COA1: variants seen among roughly 807,000 people sequenced by gnomAD.
COA1 encodes the protein cytochrome c oxidase assembly factor 1 homolog.
Under a neutral mutation model 16.0 loss-of-function variants are expected in COA1, and 13 were observed. The ratio of observed to expected loss-of-function variants is 0.81; its 90% CI spans 0.53 to 1.29. COA1 has a LOEUF of 1.29. Among genes scored for constraint, COA1 ranks in the 50% most tolerant of loss-of-function variants. The pLI, the probability that COA1 is intolerant of heterozygous loss-of-function variation, is 0.00. For missense variants in COA1, 179 were observed against 177.0 expected, an observed-to-expected ratio of 1.01 and a Z score of -0.06; for synonymous variants, 65 against 65.7, an observed-to-expected ratio of 0.99 and a Z score of 0.05.
intron 4 of COA1, among the ~76,000 whole-genome samples, 197 bp downstream of exon 4, chr7:43,645,054 A>AT (rs2088845063): frequency 6.6e-6 from 1 of 152,100 alleles, no homozygotes; most frequent in African/African-American, 2.4e-5. Context: ...GTATACAGAA[A>AT]TATCTATAAT....
chr7:43,616,052 C>T (rs2152994765), intron 6 of COA1, among the ~76,000 whole-genome samples: 1 of 152,288 alleles, frequency 6.6e-6, no homozygotes, highest in East Asian at 1.9e-4. Flanking sequence ...AAAGAGAGGA[C>T]TGGTGTCTTG....
At chr7:43,726,765 T>A (rs910513021) in intron 1 of COA1, among the ~76,000 whole-genome samples, 1 of 151,936 alleles carries the variant, frequency 6.6e-6, no homozygotes, top group South Asian at 2.1e-4. Flanking sequence ...AACGGTAGCA[T>A]AATCTAAAAG....
chr7:43,727,977 CTT>C (rs201576823), intron 1 of COA1, among the ~76,000 whole-genome samples: 31 of 139,936 alleles, frequency 2.2e-4, no homozygotes, highest in Non-Finnish European at 2.8e-4. Context: ...GGTTTTCTTT[CTT>C]TTTTTTTTTT....
In COA1 at chr7:43,721,558, G is replaced by T. The variant is rs896603958; in HGVS notation, c.-39+7871C>A. 2.6e-5 allele frequency among the ~76,000 whole-genome samples: 4 copies of T among 152,220 alleles called. 1 individual carries two copies. The South Asian group carries it at 8.3e-4, about 32-fold the overall frequency. On this transcript the variant is annotated intron_variant, in intron 1 of 5. Coordinates refer to ENST00000223336, the MANE Select transcript of COA1 (RefSeq NM_018224.4). The stretch of plus-strand genomic sequence containing the variant: ...ATTAAATCCCTAATAAAGAGGAAAA[G>T]CAAGGATGTAATGTAACTGCTTCCC...
At chr7:43,644,791 C>CAGACAGACAGACAGAGAGAGAG (rs1563229816) in intron 4 of COA1, among the ~76,000 whole-genome samples, 2 of 23,700 alleles carry the variant, frequency 8.4e-5, no homozygotes, top group Admixed American at 4.8e-4. Flanking sequence ...GGCAGGCAGG[C>CAGACAGACAGACAGAGAGAGAG]AGAGAGACAG....
At chr7:43,683,442 C>T (rs918270652) in intron 1 of COA1, among the ~76,000 whole-genome samples, 2 of 151,970 alleles carry the variant, frequency 1.3e-5, no homozygotes, top group African/African-American at 4.8e-5. Flanking sequence ...ACCATCCTGG[C>T]TAACACGGTG....
intron 1 of COA1, among the ~76,000 whole-genome samples, chr7:43,729,018 A>C (rs935335631): frequency 4.1e-4 from 62 of 151,980 alleles, no homozygotes; most frequent in African/African-American, 1.4e-3. Context: ...AAAGTATTAT[A>C]ACCACTAAAC....
intron 1 of COA1, among the ~76,000 whole-genome samples, chr7:43,663,370 C>T (rs1481728917): frequency 6.6e-6 from 1 of 152,142 alleles, no homozygotes; most frequent in Non-Finnish European, 1.5e-5. Context: ...TAAAAACAGC[C>T]TAATACAAGT....
At chr7:43,635,146 A>G (rs1345124426), downstream of COA1, among the ~76,000 whole-genome samples, 1 of 152,154 alleles carries the variant, frequency 6.6e-6, no homozygotes, top group Non-Finnish European at 1.5e-5. Context: ...TATAACTTTT[A>G]TATAATTTTA....
At chr7:43,690,832 C>CTCAGA (rs1160432794) in intron 1 of COA1, among the ~76,000 whole-genome samples, 1 of 152,054 alleles carries the variant, frequency 6.6e-6, no homozygotes, top group Non-Finnish European at 1.5e-5. Context: ...ACTAATGTCT[C>CTCAGA]TCAGATCTAC....
intron 1 of COA1, among the ~76,000 whole-genome samples, chr7:43,669,868 C>T (rs2093148424): frequency 6.6e-6 from 1 of 152,044 alleles, no homozygotes; most frequent in African/African-American, 2.4e-5. Context: ...GGTTCACTCC[C>T]TGACGGAAAC....
intron 1 of COA1, among the ~76,000 whole-genome samples, chr7:43,681,964 T>C (rs572738327): frequency 3.2e-4 from 48 of 152,258 alleles, no homozygotes; most frequent in African/African-American, 9.4e-4. Flanking sequence ...ATATTGCACA[T>C]TGGAAATTTA....
chr7:43,710,142 G>A (rs1372319012), intron 1 of COA1, among the ~76,000 whole-genome samples: 1 of 151,636 alleles, frequency 6.6e-6, no homozygotes, highest in Non-Finnish European at 1.5e-5. Context: ...TAGAGGTCAG[G>A]AGTTTGAGAC....
At chr7:43,650,595 C>T (rs964683640) in intron 1 of COA1, 1 of 151,990 alleles carries the variant, frequency 6.6e-6, no homozygotes, top group African/African-American at 2.4e-5. Context: ...CCAGAGTGTC[C>T]GTGGGGAAAG....
intron 6 of COA1, among the ~76,000 whole-genome samples, chr7:43,617,430 T>C (rs1475006816): frequency 6.6e-6 from 1 of 152,182 alleles, no homozygotes; most frequent in Non-Finnish European, 1.5e-5. Flanking sequence ...AGTCTAGAAA[T>C]GCTTGGAATT....
downstream of COA1, among the ~76,000 whole-genome samples, chr7:43,637,198 C>CATT (rs1219371267): frequency 6.6e-6 from 1 of 152,210 alleles, no homozygotes; most frequent in Admixed American, 6.5e-5. Context: ...TTTTCTACAT[C>CATT]ATTTTTAGCA....
intron 1 of COA1, among the ~76,000 whole-genome samples, chr7:43,728,783 G>C (rs918330606): frequency 1.3e-5 from 2 of 152,198 alleles, no homozygotes; most frequent in Non-Finnish European, 2.9e-5. Flanking sequence ...GCCCTCCGGG[G>C]AGAATGGGGA....
At chr7:43,609,828 C>T (rs146776807) in intron 6 of COA1, among the ~76,000 whole-genome samples, 178 of 152,338 alleles carry the variant, frequency 1.2e-3, no homozygotes, top group African/African-American at 4.1e-3. Flanking sequence ...ATTGCAGCAT[C>T]ATCTCACACC....
intron 1 of COA1, among the ~76,000 whole-genome samples, chr7:43,700,853 T>C (rs1029005161): frequency 6.6e-6 from 1 of 152,082 alleles, no homozygotes; most frequent in Admixed American, 6.6e-5. Context: ...AGGCTGTTAC[T>C]GGAAGCACAG....
Sources: gnomAD v4.1 joint callset for allele counts (sites outside exome capture counted in the v4.1 genomes callset) on GRCh38, gnomAD v4.1.1 for gene constraint, MANE v1.5 for transcripts, NCBI Gene and HGNC (gene_info 2026-07-23, HGNC 2026-07-21) for gene names.